The following RGS3 variants were observed in gnomAD, a reference collection of about 807,000 sequenced individuals.
The protein encoded by RGS3 is regulator of G-protein signalling 3.
A neutral mutation model predicts 132.6 loss-of-function variants in RGS3; 80 were observed. The observed-to-expected ratio is 0.60, with a 90% CI of 0.50 to 0.73. The LOEUF (loss-of-function observed/expected upper bound fraction) is 0.73. Among genes scored for constraint, RGS3 ranks in the 30% least tolerant of loss-of-function variants. The pLI, the probability that RGS3 is intolerant of heterozygous loss-of-function variation, is 0.00. For synonymous variants in RGS3, 598 were observed against 620.6 expected (o/e 0.96, Z 0.54); for missense variants, 1,382 against 1,530.8 (o/e 0.90, Z 1.62).
chr9:113,578,922 A>C (rs764301985), intron 19 of RGS3, among the ~76,000 whole-genome samples: 16 of 152,178 alleles, frequency 1.1e-4, no homozygotes, highest in Non-Finnish European at 2.1e-4. Flanking sequence ...TGGCAGAGAA[A>C]ACCAAGCTTG....
chr9:113,490,725 A>G (rs1331675244), intron 7 of RGS3, among the ~76,000 whole-genome samples: 1 of 115,392 alleles, frequency 8.7e-6, no homozygotes, highest in East Asian at 2.0e-4. Flanking sequence ...ATATATAATT[A>G]TATATAACTT....
At chr9:113,484,299 G>A in intron 6 of RGS3, 67 bp downstream of exon 4, 1 of 449,354 alleles carries the variant, frequency 2.2e-6, no homozygotes, top group Non-Finnish European at 4.1e-6. Flanking sequence ...AAACAGCTCT[G>A]TTTGCCAAAT....
chr9:113,514,150 A>T (rs1831531970), intron 14 of RGS3, among the ~76,000 whole-genome samples: 1 of 152,152 alleles, frequency 6.6e-6, no homozygotes, highest in Non-Finnish European at 1.5e-5. Flanking sequence ...GGAAATTCTG[A>T]TCCGGGGCCT....
chr9:113,556,316 C>A (rs10981827), intron 19 of RGS3, among the ~76,000 whole-genome samples: 18,068 of 151,928 alleles, frequency 0.12, 1,299 homozygotes, highest in African/African-American at 0.19. Flanking sequence ...GTCTTCCTTT[C>A]GTTCAGGGAA....
At chr9:113,479,778 C>A (rs964290498) in intron 4 of RGS3, among the ~76,000 whole-genome samples, 1 of 152,208 alleles carries the variant, frequency 6.6e-6, no homozygotes, top group Admixed American at 6.5e-5. Context: ...CATTGACAGG[C>A]TACAGCTGCC....
rs74987192 is a variant in RGS3 at position 113,529,296 on chromosome 9, G to A, written c.1914+32G>A. ...CCTTTCCTCTGGATTTGAGGAGAGA[G>A]ATCTTCGACCTGGTGCTTGAGGGGA... is the stretch of plus-strand genomic sequence containing the variant. On this transcript the variant is annotated intron_variant, in intron 18 of 24. Transcript: ENST00000350696. 3.3e-4 allele frequency: 519 copies of A among 1,574,510 alleles called. 2 individuals are homozygous for A. The African/African-American group carries it at 6.1e-3, about 19-fold the overall frequency.
intron 3 of RGS3, chr9:113,479,216 C>T: frequency 2.2e-6 from 1 of 455,928 alleles, no homozygotes; most frequent in Non-Finnish European, 3.9e-6. Flanking sequence ...TTCCCAGCAT[C>T]CACCTGGCTG....
chr9:113,540,021 G>A (rs1466395028), intron 19 of RGS3, among the ~76,000 whole-genome samples: 1 of 151,836 alleles, frequency 6.6e-6, no homozygotes, highest in Non-Finnish European at 1.5e-5. Context: ...GAGGGCCGGG[G>A]GCCATCTAGT....
chr9:113,572,496 C>T (rs952738248), intron 19 of RGS3, among the ~76,000 whole-genome samples: 14 of 152,024 alleles, frequency 9.2e-5, no homozygotes, highest in Non-Finnish European at 1.9e-4. Context: ...CCAGTGTCCT[C>T]GAGTGAAAAA....
intron 19 of RGS3, among the ~76,000 whole-genome samples, chr9:113,566,404 A>C (rs964251845): frequency 1.3e-5 from 2 of 152,150 alleles, no homozygotes; most frequent in Admixed American, 1.3e-4. Flanking sequence ...GACAGAGGCT[A>C]ATTCTTTTCC....
chr9:113,566,805 C>T (rs960329071), intron 19 of RGS3, among the ~76,000 whole-genome samples: 1 of 152,214 alleles, frequency 6.6e-6, no homozygotes, highest in African/African-American at 2.4e-5. Flanking sequence ...TACATCTCCT[C>T]AAGGGAAGGA....
At chr9:113,557,916 C>T (rs1833635546) in intron 19 of RGS3, among the ~76,000 whole-genome samples, 1 of 152,148 alleles carries the variant, frequency 6.6e-6, no homozygotes, top group African/African-American at 2.4e-5. Context: ...CAGTGCTGGT[C>T]TTGAGAAGCT....
intron 19 of RGS3, among the ~76,000 whole-genome samples, chr9:113,547,549 A>G (rs997593934): frequency 6.6e-5 from 10 of 152,346 alleles, no homozygotes; most frequent in African/African-American, 2.4e-4. Context: ...ACGTGTATAT[A>G]GGTTGGTGCA....
intron 18 of RGS3, chr9:113,536,385 A>T (rs72761995): frequency 4.7e-6 from 3 of 642,674 alleles, no homozygotes; most frequent in Non-Finnish European, 5.8e-6. Context: ...TCTGTGAGCC[A>T]GGGGAGGTGG....
intron 10 of RGS3, chr9:113,501,582 C>T (rs1357043838): frequency 6.4e-7 from 1 of 1,554,854 alleles, no homozygotes; most frequent in South Asian, 1.2e-5. Context: ...CAGCCATGAA[C>T]CGCTTCAATG....
intron 3 of RGS3, among the ~76,000 whole-genome samples, chr9:113,466,783 G>A (rs1829658783): frequency 6.6e-6 from 1 of 152,098 alleles, no homozygotes; most frequent in African/African-American, 2.4e-5. Flanking sequence ...CAATTCAATG[G>A]TTTTTAGTAT....
intron 19 of RGS3, among the ~76,000 whole-genome samples, chr9:113,578,724 C>A (rs1365033777): frequency 6.6e-6 from 1 of 152,146 alleles, no homozygotes; most frequent in African/African-American, 2.4e-5. Flanking sequence ...GCTAGGGATC[C>A]AGAGCATGCC....
intron 19 of RGS3, among the ~76,000 whole-genome samples, chr9:113,551,378 G>C (rs1235305898): frequency 1.3e-5 from 2 of 152,280 alleles, no homozygotes; most frequent in African/African-American, 4.8e-5. Flanking sequence ...ATCAGTTAAT[G>C]GACATTTGGG....
In RGS3 at chr9:113,591,398, G is replaced by A. The variant is rs771706809; in HGVS notation, c.3080+1G>A. On this transcript the variant is annotated splice_donor_variant, in intron 21 of 24. Transcript: ENST00000350696. LOFTEE classifies it high-confidence loss of function. This position sits in a 1 kb window ranked among gnomAD's most constrained non-coding sequence, Gnocchi z 4.4. ...CCCGGAAGAGAAAGAGCAAAAACCT[G>A]TACGTTGGGAAGATCCCTGGCTTCT... The A allele has an allele frequency of 3.1e-6, 5 of 1,613,288 alleles. No homozygotes were observed. Among genetic ancestry groups the A allele is most frequent in the Non-Finnish European group, 3.4e-6 (4 of 1,179,652 alleles).
Sources: gnomAD v4.1 joint callset for allele counts (sites outside exome capture counted in the v4.1 genomes callset) on GRCh38, gnomAD v4.1.1 for gene constraint, Gnocchi (gnomAD v3.1) non-coding constraint, MANE v1.5 for transcripts, NCBI Gene and HGNC (gene_info 2026-07-23, HGNC 2026-07-21) for gene names.